The following THSD7B variants were observed in gnomAD, a reference collection of about 807,000 sequenced individuals.
The protein encoded by THSD7B is thrombospondin type 1 domain containing 7B.
Under a neutral mutation model 213.6 loss-of-function variants are expected in THSD7B, and 138 were observed. The ratio of observed to expected loss-of-function variants is 0.65; its 90% CI spans 0.56 to 0.74. The LOEUF is 0.74. Among genes scored for constraint, THSD7B ranks in the 30% least tolerant of loss-of-function variants. THSD7B has a pLI of 0.00. For synonymous variants in THSD7B, 742 were observed against 687.0 expected (o/e 1.08, Z -1.25); for missense variants, 1,931 against 1,991.5 (o/e 0.97, Z 0.58).
In THSD7B at chr2:137,170,277, A is replaced by C. The variant is rs537584847; in HGVS notation, c.1526-464A>C. 3.3e-5 allele frequency among the ~76,000 whole-genome samples: 5 copies of C among 152,312 alleles called. No homozygotes were observed. The East Asian group carries it at 9.7e-4, about 29-fold the overall frequency. On this transcript the variant is annotated intron_variant, in intron 6 of 27. Coordinates refer to ENST00000409968, the MANE Select transcript of THSD7B (RefSeq NM_001316349.2). The stretch of plus-strand genomic sequence containing the variant: ...TGTAAACCTCAGTGACATGATGCAG[A>C]TAAATCTCGGAGCAGGAAGTTGTGA...
chr2:136,833,433 ATTT>A (rs56778387), intron 1 of THSD7B, among the ~76,000 whole-genome samples: 8 of 112,072 alleles, frequency 7.1e-5, no homozygotes, highest in East Asian at 2.7e-4. Context: ...ATTATTTTCT[ATTT>A]TTTTTTTTTT....
intron 20 of THSD7B, among the ~76,000 whole-genome samples, chr2:137,637,441 A>G (rs990935319): frequency 4.6e-5 from 7 of 152,240 alleles, no homozygotes; most frequent in African/African-American, 1.7e-4. Context: ...ACTTATTAGC[A>G]ATAGTTTTTG....
intron 15 of THSD7B, among the ~76,000 whole-genome samples, chr2:137,535,295 T>C (rs916599370): frequency 4.0e-5 from 6 of 151,038 alleles, no homozygotes; most frequent in African/African-American, 1.5e-4. Context: ...CTGGAACACA[T>C]ATGAAAAAAA....
At chr2:137,316,067 G>A (rs1037305787) in intron 12 of THSD7B, among the ~76,000 whole-genome samples, 5 of 152,130 alleles carry the variant, frequency 3.3e-5, no homozygotes, top group Non-Finnish European at 7.3e-5. Context: ...TATCATCACA[G>A]AATTATTACT....
chr2:137,566,908 G>A (rs1384053500), intron 16 of THSD7B, among the ~76,000 whole-genome samples: 1 of 152,086 alleles, frequency 6.6e-6, no homozygotes, highest in Non-Finnish European at 1.5e-5. Flanking sequence ...CAAAATATTT[G>A]AGCACAAACC....
intron 2 of THSD7B, among the ~76,000 whole-genome samples, chr2:136,983,529 C>A (rs1685624128): frequency 6.8e-6 from 1 of 148,038 alleles, no homozygotes; most frequent in Admixed American, 6.7e-5. Flanking sequence ...TGAGGAGTAT[C>A]CTTAGCATAA....
At chr2:137,177,268 T>C (rs766186466) in intron 7 of THSD7B, among the ~76,000 whole-genome samples, 10 of 152,154 alleles carry the variant, frequency 6.6e-5, no homozygotes, top group Non-Finnish European at 1.2e-4. Context: ...CATCATCATC[T>C]TGAGTCTTGT....
chr2:137,458,700 ATATAAAATT>A (rs1000051302), intron 15 of THSD7B, among the ~76,000 whole-genome samples: 9 of 152,298 alleles, frequency 5.9e-5, no homozygotes, highest in African/African-American at 2.2e-4. Context: ...GGCAATACCA[ATATAAAATT>A]TTTCCTCAAA....
At chr2:137,355,131 C>T (rs1329389963) in intron 12 of THSD7B, among the ~76,000 whole-genome samples, 1 of 152,070 alleles carries the variant, frequency 6.6e-6, no homozygotes, top group Non-Finnish European at 1.5e-5. Context: ...TATCAGATCT[C>T]AAATATTTAT....
chr2:137,651,845 T>G (rs1406263553), intron 21 of THSD7B, among the ~76,000 whole-genome samples: 1 of 152,030 alleles, frequency 6.6e-6, no homozygotes, highest in Non-Finnish European at 1.5e-5. Flanking sequence ...TTAATTTCCA[T>G]GTATTTGTGT....
chr2:137,101,970 A>C (rs1302885186), intron 4 of THSD7B, among the ~76,000 whole-genome samples: 1 of 152,234 alleles, frequency 6.6e-6, no homozygotes, highest in Non-Finnish European at 1.5e-5. Context: ...CAGCTTTAGC[A>C]GACTTAAACG....
At chr2:137,353,968 G>A (rs1685069910) in intron 12 of THSD7B, among the ~76,000 whole-genome samples, 1 of 151,888 alleles carries the variant, frequency 6.6e-6, no homozygotes. Flanking sequence ...AAACCATCTG[G>A]CCCACTTTTC....
intron 14 of THSD7B, among the ~76,000 whole-genome samples, chr2:137,435,633 C>A (rs1687275360): frequency 6.6e-6 from 1 of 152,140 alleles, no homozygotes; most frequent in African/African-American, 2.4e-5. Flanking sequence ...TGTCCACGGG[C>A]AATGATCTCT....
At chr2:137,341,667 A>C (rs1369697554) in intron 12 of THSD7B, among the ~76,000 whole-genome samples, 1 of 151,664 alleles carries the variant, frequency 6.6e-6, no homozygotes, top group African/African-American at 2.4e-5. Context: ...ATTAAGGTCC[A>C]CTTTCATTCT....
At chr2:137,030,391 G>A (rs558307205) in intron 2 of THSD7B, among the ~76,000 whole-genome samples, 9 of 152,210 alleles carry the variant, frequency 5.9e-5, no homozygotes, top group African/African-American at 2.2e-4. Flanking sequence ...AAGTAAGAAC[G>A]GTATGGCCCA....
At chr2:137,198,448 G>C (rs1029392636) in intron 7 of THSD7B, among the ~76,000 whole-genome samples, 2 of 152,080 alleles carry the variant, frequency 1.3e-5, no homozygotes, top group Admixed American at 6.6e-5. Flanking sequence ...TTCACTACAG[G>C]TCACATTTCC....
intron 12 of THSD7B, among the ~76,000 whole-genome samples, chr2:137,324,387 T>C (rs149167581): frequency 2.6e-5 from 4 of 152,324 alleles, no homozygotes; most frequent in Non-Finnish European, 4.4e-5. Context: ...GAAATAGTAT[T>C]CCTCACAAGA....
chr2:137,588,487 T>C (rs1447635569), intron 17 of THSD7B, among the ~76,000 whole-genome samples: 1 of 151,858 alleles, frequency 6.6e-6, no homozygotes, highest in Non-Finnish European at 1.5e-5. Flanking sequence ...CAGTGTTTTT[T>C]TTTTTTTCAA....
intron 4 of THSD7B, among the ~76,000 whole-genome samples, chr2:137,100,241 CAG>C (rs1688124279): frequency 1.3e-5 from 2 of 152,212 alleles, no homozygotes; most frequent in South Asian, 2.1e-4. Flanking sequence ...CCTTTTGAAA[CAG>C]AGTGCTGTGT....
Sources: gnomAD v4.1 joint callset for allele counts (sites outside exome capture counted in the v4.1 genomes callset) on GRCh38, gnomAD v4.1.1 for gene constraint, MANE v1.5 for transcripts, NCBI Gene and HGNC (gene_info 2026-07-23, HGNC 2026-07-21) for gene names.